Variants in C12orf56 observed in about 807,000 individuals in gnomAD.
C12orf56 encodes the protein chromosome 12 open reading frame 56, also known as uncharacterized protein C12orf56.
A neutral mutation model predicts 69.9 loss-of-function variants in C12orf56; 71 were observed. The ratio of observed to expected loss-of-function variants is 1.02; its 90% CI spans 0.84 to 1.24. The LOEUF is 1.24. Ranked by LOEUF, C12orf56 falls within the 50% of genes most tolerant of loss-of-function variation. The pLI, the probability that C12orf56 is intolerant of heterozygous loss-of-function variation, is 0.00. For missense variants in C12orf56, 732 were observed against 738.5 expected (o/e 0.99, Z 0.10); for synonymous variants, 276 against 274.1 (o/e 1.01, Z -0.07).
chr12:64,357,553 C>T (rs995137461), intron 1 of C12orf56, among the ~76,000 whole-genome samples: 1 of 151,994 alleles, frequency 6.6e-6, no homozygotes, highest in Non-Finnish European at 1.5e-5. Context: ...GCTGAGACTA[C>T]AGGCACATGC....
chr12:64,383,390 T>A (rs1456385188), intron 1 of C12orf56, among the ~76,000 whole-genome samples: 1 of 152,084 alleles, frequency 6.6e-6, no homozygotes, highest in Non-Finnish European at 1.5e-5. Context: ...GAACCAATTT[T>A]TTTTTGAGAC....
chr12:64,277,696 A>G lies in C12orf56; in HGVS notation c.1418T>C (p.Met473Thr), dbSNP rs769188696. The part of the protein sequence containing the change: ...QLVADSALVR[M>T]SFDAELQKLI... ...TCATCTCACCTCAGCGTCAAAAGAC[A>G]TTCTGACTAAAGCTGAATCAGCCAC... The change falls in exon 9 of 13, where the codon ATG (methionine) becomes ACG (threonine). Residue 473 changes from methionine (M) to threonine (T), a missense_variant. Coordinates refer to ENST00000543942, the MANE Select transcript of C12orf56 (RefSeq NM_001170633.2). The G allele has an allele frequency of 1.3e-6, 2 of 1,575,532 alleles. No homozygotes were observed. Among genetic ancestry groups the G allele is most frequent in the Non-Finnish European group, 1.7e-6 (2 of 1,158,904 alleles).
chr12:64,280,632 G>T (rs2038109364), intron 8 of C12orf56, among the ~76,000 whole-genome samples: 1 of 152,182 alleles, frequency 6.6e-6, no homozygotes, highest in South Asian at 2.1e-4. Context: ...GGCCCTAATT[G>T]GCTGACTGTT....
At position 64,373,837 on chromosome 12, in the gene C12orf56, A is replaced by G. The variant is rs190311334; in HGVS notation, c.252+16477T>C. 5.3e-5 allele frequency among the ~76,000 whole-genome samples: 8 copies of G among 152,320 alleles called. No homozygotes were observed. The East Asian group carries it at 1.5e-3, about 29-fold the overall frequency. ...TTAATCTTCTCGTTCATGTTCTCTC[A>G]TGAAAATCTACTAACACAGTGGCCA... On this transcript the variant is annotated intron_variant, in intron 1 of 12. Coordinates refer to ENST00000543942, the MANE Select transcript of C12orf56 (RefSeq NM_001170633.2).
At chr12:64,374,252 T>C (rs999681754) in intron 1 of C12orf56, among the ~76,000 whole-genome samples, 1 of 152,194 alleles carries the variant, frequency 6.6e-6, no homozygotes, top group Non-Finnish European at 1.5e-5. Flanking sequence ...GGGGTCTGGA[T>C]ACACAGCCAA....
chr12:64,303,536 A>G, intron 6 of C12orf56, 99 bp downstream of exon 6: 1 of 989,230 alleles, frequency 1.0e-6, no homozygotes, highest in South Asian at 1.9e-5. Context: ...ATACAGCATC[A>G]GAATACAAGA....
chr12:64,296,732 C>T lies in C12orf56; in HGVS notation c.1113+6903G>A, dbSNP rs79199354. Among the ~76,000 whole-genome samples, 216 of 152,268 alleles carry T rather than the reference C, an allele frequency of 1.4e-3. 1 individual carries two copies. The highest frequency in any genetic ancestry group is 5.0e-3 in the African/African-American group (207 of 41,548). On this transcript the variant is annotated intron_variant, in intron 6 of 12. Coordinates refer to ENST00000543942, the MANE Select transcript of C12orf56 (RefSeq NM_001170633.2). The stretch of plus-strand genomic sequence containing the variant: ...CAAAGTTCATGTTTTAGAAACTAAT[C>T]CCCAATGCAACAGTGTTGAGAGGCG...
rs1336877137 is a variant in C12orf56 at position 64,266,708 on chromosome 12, C to T, written c.*475G>A. The T allele has an allele frequency of 8.3e-6, 4 of 483,950 alleles. No homozygotes were observed. Among genetic ancestry groups the T allele is most frequent in the African/African-American group, 2.0e-5 (1 of 49,686 alleles). 30.0% of individuals were successfully genotyped at this position (483,950 alleles called of 1,614,324 possible). On this transcript the variant is annotated 3_prime_UTR_variant, in exon 13 of 13. Transcript: ENST00000543942. ...GTGCCCAAGCTGAGAAGATAAAACA[C>T]CTTGAGAAGAACTTGAATGCCCATG...
At chr12:64,267,383 G>C (rs1389644020) in intron 12 of C12orf56, 95 bp from the exon 13 acceptor site, 4 of 947,362 alleles carry the variant, frequency 4.2e-6, no homozygotes, top group Non-Finnish European at 6.4e-6. Flanking sequence ...GGCTAGGGTT[G>C]TTGGGTGTGG....
chr12:64,302,415 C>T (rs2038457947), intron 6 of C12orf56, among the ~76,000 whole-genome samples: 1 of 152,130 alleles, frequency 6.6e-6, no homozygotes, highest in South Asian at 2.1e-4. Flanking sequence ...TAGTTGGTCA[C>T]CCTAATCTGG....
chr12:64,312,539 G>A, intron 5 of C12orf56, 140 bp downstream of exon 5: 1 of 584,288 alleles, frequency 1.7e-6, no homozygotes, highest in South Asian at 2.3e-5. Flanking sequence ...AGCCCAGGAG[G>A]TAGAGGTTGC....
chr12:64,353,841 C>G (rs1010306581), intron 1 of C12orf56, among the ~76,000 whole-genome samples: 1 of 152,030 alleles, frequency 6.6e-6, no homozygotes, highest in Non-Finnish European at 1.5e-5. Context: ...GCGATCACGC[C>G]CAGCTAATTT....
At chr12:64,363,811 C>T (rs1383290122) in intron 1 of C12orf56, among the ~76,000 whole-genome samples, 1 of 152,022 alleles carries the variant, frequency 6.6e-6, no homozygotes, top group Non-Finnish European at 1.5e-5. Flanking sequence ...ACCTTTAATC[C>T]CCTGACCTGC....
At chr12:64,322,588 T>A (rs2038787135) in intron 3 of C12orf56, among the ~76,000 whole-genome samples, 1 of 151,940 alleles carries the variant, frequency 6.6e-6, no homozygotes, top group Non-Finnish European at 1.5e-5. Flanking sequence ...GAGGCCGAGG[T>A]GGAAGGATCA....
intron 2 of C12orf56, among the ~76,000 whole-genome samples, chr12:64,350,168 T>C (rs1323362981): frequency 6.7e-6 from 1 of 149,712 alleles, no homozygotes; most frequent in African/African-American, 2.5e-5. Flanking sequence ...AGGTGAGGAA[T>C]AAAAGACTAC....
chr12:64,268,333 C>A (rs1462129356), intron 12 of C12orf56, among the ~76,000 whole-genome samples: 1 of 152,128 alleles, frequency 6.6e-6, no homozygotes, highest in Non-Finnish European at 1.5e-5. Flanking sequence ...AGTGTGACAC[C>A]ACTTTGCCAG....
rs551108726 is a variant in C12orf56, at chr12:64,362,933, TGAG to T, written c.253-9880_253-9878del. On this transcript the variant is annotated intron_variant, in intron 1 of 12. Transcript: ENST00000543942. The stretch of plus-strand genomic sequence containing the variant: ...ACATGTCACTGGTGGAGTGTAGCAG[TGAG>T]GACAACCAGAGGTCACCTCATCGCC... Among the ~76,000 whole-genome samples the T allele has an allele frequency of 2.4e-3, 359 of 152,270 alleles. 2 individuals are homozygous for T. The highest frequency in any genetic ancestry group is 7.9e-3 in the African/African-American group (330 of 41,548).
At chr12:64,374,839 C>CAAAAAAA (rs1592500379) in intron 1 of C12orf56, among the ~76,000 whole-genome samples, 1 of 151,802 alleles carries the variant, frequency 6.6e-6, no homozygotes, top group East Asian at 2.0e-4. Context: ...CCACCATCCC[C>CAAAAAAA]AGTCTTTATT....
intron 2 of C12orf56, among the ~76,000 whole-genome samples, chr12:64,336,958 A>G (rs186067249): frequency 1.3e-5 from 2 of 152,266 alleles, no homozygotes; most frequent in East Asian, 3.9e-4. Flanking sequence ...CTGTGAAGCT[A>G]GTAATGGAGA....
Sources: allele counts gnomAD v4.1 joint callset (sites outside exome capture counted in the v4.1 genomes callset), GRCh38; gene constraint gnomAD v4.1.1; transcripts MANE v1.5; gene names NCBI Gene and HGNC (gene_info 2026-07-23, HGNC 2026-07-21).